PRKN: variants seen among roughly 807,000 people sequenced by gnomAD.
PRKN encodes the protein E3 ubiquitin-protein ligase parkin.
Under a neutral mutation model 59.5 loss-of-function variants are expected in PRKN, and 56 were observed. The observed-to-expected ratio is 0.94, with a 90% CI of 0.76 to 1.18. PRKN has a LOEUF of 1.18. PRKN is among the 50% of genes most tolerant of loss of function. PRKN has a pLI of 0.00. For synonymous variants in PRKN, 250 were observed against 222.1 expected, an observed-to-expected ratio of 1.13 and a Z score of -1.12; for missense variants, 657 against 596.4, an observed-to-expected ratio of 1.10 and a Z score of -1.06.
chr6:162,148,305 C>A (rs1444161897), intron 4 of PRKN, among the ~76,000 whole-genome samples: 1 of 151,894 alleles, frequency 6.6e-6, no homozygotes, highest in Non-Finnish European at 1.5e-5. Flanking sequence ...TGAGTTTGAC[C>A]CTCGTGATTC....
At chr6:162,678,013 G>C (rs1224382944) in intron 1 of PRKN, among the ~76,000 whole-genome samples, 2 of 152,104 alleles carry the variant, frequency 1.3e-5, no homozygotes. Context: ...TTGAATTACA[G>C]ATTAGTTTGC....
chr6:161,803,825 C>A (rs975435516), intron 6 of PRKN, among the ~76,000 whole-genome samples: 3 of 152,182 alleles, frequency 2.0e-5, no homozygotes, highest in African/African-American at 7.2e-5. Context: ...GGCGGGTCTG[C>A]GACACAGATG....
rs570803082 is a variant in PRKN at position 161,511,696 on chromosome 6, C to G, written c.1083+37158G>C. ...GCACTGACCTGCCTAAGTGACCAGA[C>G]AATCCTTTAAAGGAGTATCACTAAA... On this transcript the variant is annotated intron_variant, in intron 9 of 11. Transcript: ENST00000366898. 5.9e-5 allele frequency among the ~76,000 whole-genome samples: 9 copies of G among 152,154 alleles called. No individual in the cohort carries two copies. The East Asian group carries it at 1.7e-3, about 29-fold the overall frequency.
rs1788993273 is a variant in PRKN at position 161,757,832 on chromosome 6, C to CCTCT, written c.871+27939_871+27940insAGAG. Among the ~76,000 whole-genome samples, 10 of 32,848 alleles carry CCTCT rather than the reference C, an allele frequency of 3.0e-4. 1 individual carries two copies. The highest frequency in any genetic ancestry group is 1.3e-3 in the African/African-American group (10 of 7,442). The allele number at this position is 32,848 out of a possible 152,430, so 21.5% of individuals were successfully genotyped here. On this transcript the variant is annotated intron_variant, in intron 7 of 11. Coordinates refer to ENST00000366898, the MANE Select transcript of PRKN (RefSeq NM_004562.3). Reference sequence around the variant, plus strand: ...CAGCCTGGGCAATAGAGCAAAACTCCATCTCTCTCTCTCTCTCTCTCTCTC... The same window carrying CCTCT: ...CAGCCTGGGCAATAGAGCAAAACTCCCTCTATCTCTCTCTCTCTCTCTCTCTCTC...
intron 4 of PRKN, among the ~76,000 whole-genome samples, chr6:162,181,664 A>G (rs572635585): frequency 2.8e-4 from 43 of 152,320 alleles, no homozygotes; most frequent in African/African-American, 9.9e-4. Context: ...ACATGGGGAG[A>G]ATCAGGGAAA....
rs4628071 is a variant in PRKN, at chr6:161,694,288, T to C, written c.871+91484A>G. The stretch of plus-strand genomic sequence containing the variant: ...TGGACTATGATGTAACCCATCATAG[T>C]GGATCAACTGTATACTGAGTCTGAC... On this transcript the variant is annotated intron_variant, in intron 7 of 11. Coordinates refer to ENST00000366898, the MANE Select transcript of PRKN (RefSeq NM_004562.3). Among the ~76,000 whole-genome samples, 1,458 of 152,254 alleles carry C rather than the reference T, an allele frequency of 9.6e-3. 20 individuals carry two copies. The highest frequency in any genetic ancestry group is 0.026 in the African/African-American group (1,062 of 41,540).
intron 9 of PRKN, among the ~76,000 whole-genome samples, chr6:161,505,160 A>G (rs1778113687): frequency 6.6e-6 from 1 of 152,092 alleles, no homozygotes; most frequent in Non-Finnish European, 1.5e-5. Context: ...AAGTGTTCCT[A>G]TTTCTCCACA....
intron 7 of PRKN, among the ~76,000 whole-genome samples, chr6:161,737,424 T>C (rs1212662348): frequency 3.3e-5 from 5 of 152,150 alleles, no homozygotes; most frequent in African/African-American, 1.2e-4. Context: ...CTGAAAACTA[T>C]CTAAGGATAT....
At chr6:161,639,846 G>A (rs1315057434) in intron 7 of PRKN, among the ~76,000 whole-genome samples, 1 of 152,176 alleles carries the variant, frequency 6.6e-6, no homozygotes, top group Non-Finnish European at 1.5e-5. Flanking sequence ...TGATATTTTT[G>A]CACAAGGCGC....
At chr6:161,975,860 G>A (rs1347494918) in intron 5 of PRKN, among the ~76,000 whole-genome samples, 1 of 152,146 alleles carries the variant, frequency 6.6e-6, no homozygotes, top group African/African-American at 2.4e-5. Flanking sequence ...TGAAAATAAT[G>A]CTACATCTTA....
chr6:161,677,567 C>T (rs1233138369), intron 7 of PRKN, among the ~76,000 whole-genome samples: 1 of 152,198 alleles, frequency 6.6e-6, no homozygotes, highest in Non-Finnish European at 1.5e-5. Context: ...GCAAGGGTGC[C>T]TTCTATGCTG....
intron 1 of PRKN, among the ~76,000 whole-genome samples, chr6:162,654,930 A>G (rs1778585674): frequency 6.6e-6 from 1 of 152,158 alleles, no homozygotes; most frequent in Non-Finnish European, 1.5e-5. Flanking sequence ...CAGCCAAACC[A>G]TATCATTTAC....
intron 2 of PRKN, among the ~76,000 whole-genome samples, chr6:162,423,969 G>A (rs1364361002): frequency 1.3e-5 from 2 of 152,072 alleles, no homozygotes; most frequent in African/African-American, 4.8e-5. Context: ...TAGTAGCTTT[G>A]TTCATAATTG....
intron 2 of PRKN, among the ~76,000 whole-genome samples, chr6:162,376,444 C>T (rs893409533): frequency 2.0e-5 from 3 of 151,722 alleles, no homozygotes; most frequent in African/African-American, 7.3e-5. Context: ...GTTTCCCCGC[C>T]GTGTAGAAAA....
rs369725399 is a variant in PRKN at position 162,526,575 on chromosome 6, G to A, written c.8-83102C>T. 1.6e-4 allele frequency among the ~76,000 whole-genome samples: 24 copies of A among 151,664 alleles called. 2 individuals are homozygous for A. Among genetic ancestry groups the A allele is most frequent in the African/African-American group, 5.6e-4 (23 of 41,376 alleles). On this transcript the variant is annotated intron_variant, in intron 1 of 11. Coordinates refer to ENST00000366898, the MANE Select transcript of PRKN (RefSeq NM_004562.3). ...TGAGGCAGGAGAATCATTTGAACCC[G>A]GGAGGCGGAGGTTGCAGTGAGCCGA...
At chr6:162,669,301 A>G (rs1779229559) in intron 1 of PRKN, among the ~76,000 whole-genome samples, 1 of 152,112 alleles carries the variant, frequency 6.6e-6, no homozygotes, top group Non-Finnish European at 1.5e-5. Flanking sequence ...TAGAAGTAAA[A>G]TGATTATACA....
intron 1 of PRKN, among the ~76,000 whole-genome samples, chr6:162,530,974 T>C (rs1778487662): frequency 6.7e-6 from 1 of 148,912 alleles, no homozygotes; most frequent in Non-Finnish European, 1.5e-5. Context: ...GGAGAATTGC[T>C]TGAACCCGGG....
intron 5 of PRKN, among the ~76,000 whole-genome samples, chr6:161,995,922 G>C (rs1346821768): frequency 6.6e-6 from 1 of 152,104 alleles, no homozygotes; most frequent in Non-Finnish European, 1.5e-5. Context: ...TGGGAAGACT[G>C]CTTGAGTCCA....
chr6:162,242,472 G>A (rs991957463), intron 3 of PRKN, among the ~76,000 whole-genome samples: 9 of 152,080 alleles, frequency 5.9e-5, no homozygotes, highest in Non-Finnish European at 1.2e-4. Flanking sequence ...TTTCTAAATG[G>A]ATCCTTCCCA....
Sources: gnomAD v4.1 joint callset for allele counts (sites outside exome capture counted in the v4.1 genomes callset) on GRCh38, gnomAD v4.1.1 for gene constraint, MANE v1.5 for transcripts, NCBI Gene and HGNC (gene_info 2026-07-23, HGNC 2026-07-21) for gene names.